The following LINGO2 variants were observed in gnomAD, a reference collection of about 807,000 sequenced individuals.
LINGO2 encodes leucine-rich repeat and immunoglobulin-like domain-containing nogo receptor-interacting protein 2.
Under a neutral mutation model 30.6 loss-of-function variants are expected in LINGO2, and 14 were observed. The ratio of observed to expected loss-of-function variants is 0.46; its 90% confidence interval spans 0.30 to 0.72. The LOEUF (loss-of-function observed/expected upper bound fraction) is 0.72, where lower values mean the gene tolerates loss of function less well. LINGO2 is among the 30% of genes least tolerant of loss of function. The pLI, the probability that LINGO2 is intolerant of heterozygous loss-of-function variation, is 0.07. For synonymous variants in LINGO2, 317 were observed against 288.5 expected, an observed-to-expected ratio of 1.10 and a Z score of -1.00; for missense variants, 729 against 751.7, an observed-to-expected ratio of 0.97 and a Z score of 0.35.
At chr9:27,974,427 C>T (rs199922883) in intron 5 of LINGO2, among the ~76,000 whole-genome samples, 4 of 152,016 alleles carry the variant, frequency 2.6e-5, no homozygotes, top group Non-Finnish European at 4.4e-5. Flanking sequence ...TTTTGAAGGA[C>T]GGTAGCAATG....
At chr9:28,156,393 G>A (rs1485326144) in intron 4 of LINGO2, among the ~76,000 whole-genome samples, 1 of 152,186 alleles carries the variant, frequency 6.6e-6, no homozygotes, top group Non-Finnish European at 1.5e-5. Flanking sequence ...TATGCACCAG[G>A]CAGTGTGGTA....
intron 5 of LINGO2, among the ~76,000 whole-genome samples, chr9:27,972,755 A>C (rs904723718): frequency 6.6e-6 from 1 of 152,196 alleles, no homozygotes; most frequent in Non-Finnish European, 1.5e-5. Flanking sequence ...ATTTTTCCAC[A>C]TGGACTACTC....
chr9:29,148,060 T>C, the LINGO2 span, among the ~76,000 whole-genome samples: 2 of 152,130 alleles, frequency 1.3e-5, no homozygotes, highest in Admixed American at 6.5e-5. Context: ...ACAGTGCATT[T>C]ATTTTACATA....
intron 2 of LINGO2, among the ~76,000 whole-genome samples, chr9:28,449,764 A>G (rs1824575158): frequency 1.3e-5 from 2 of 152,018 alleles, no homozygotes; most frequent in Admixed American, 1.3e-4. Flanking sequence ...GTCCCCACCT[A>G]TTGGTTCAAT....
At chr9:28,455,124 C>T (rs1824794161) in intron 2 of LINGO2, among the ~76,000 whole-genome samples, 1 of 151,818 alleles carries the variant, frequency 6.6e-6, no homozygotes, top group African/African-American at 2.4e-5. Context: ...TTCTGTTTGT[C>T]TTGTAGGAAA....
chr9:28,384,329 C>CCATATATATATATATATATATATATA (rs1554714422), intron 2 of LINGO2, among the ~76,000 whole-genome samples: 1 of 123,338 alleles, frequency 8.1e-6, no homozygotes, highest in Admixed American at 8.3e-5. Context: ...ATGTTATGCA[C>CCATATATATATATATATATATATATA]TATATATATA....
intron 4 of LINGO2, among the ~76,000 whole-genome samples, chr9:28,131,291 C>T (rs1827371957): frequency 6.6e-6 from 1 of 152,026 alleles, no homozygotes; most frequent in South Asian, 2.1e-4. Context: ...AAAGTATCCC[C>T]CTGAGTCATA....
chr9:28,031,186 A>G (rs1823651757), intron 4 of LINGO2, among the ~76,000 whole-genome samples: 1 of 152,120 alleles, frequency 6.6e-6, no homozygotes, highest in African/African-American at 2.4e-5. Flanking sequence ...GGAGGCCGAG[A>G]CTATATAAAG....
chr9:28,409,102 A>C (rs1318251857), intron 2 of LINGO2, among the ~76,000 whole-genome samples: 1 of 152,040 alleles, frequency 6.6e-6, no homozygotes, highest in Non-Finnish European at 1.5e-5. Flanking sequence ...CATCATTTTC[A>C]TGTAGGCATT....
At chr9:29,160,048 A>G in the LINGO2 span, among the ~76,000 whole-genome samples, 24 of 152,320 alleles carry the variant, frequency 1.6e-4, no homozygotes, top group South Asian at 3.9e-3. Flanking sequence ...TTGAATTTAG[A>G]TGAATAGTTT....
chr9:28,559,602 G>A (rs1822932412), intron 1 of LINGO2, among the ~76,000 whole-genome samples: 1 of 152,052 alleles, frequency 6.6e-6, no homozygotes, highest in South Asian at 2.1e-4. Flanking sequence ...CAAACACTGT[G>A]TAATAGCTTT....
intron 1 of LINGO2, among the ~76,000 whole-genome samples, chr9:28,639,390 T>C (rs1827455917): frequency 6.6e-6 from 1 of 152,138 alleles, no homozygotes; most frequent in Non-Finnish European, 1.5e-5. Flanking sequence ...ACTTTCTGTC[T>C]CATTGATCTG....
At chr9:28,087,481 A>G (rs571120885) in intron 4 of LINGO2, among the ~76,000 whole-genome samples, 35 of 152,162 alleles carry the variant, frequency 2.3e-4, no homozygotes, top group African/African-American at 7.9e-4. Flanking sequence ...TATTCATGAG[A>G]AAATTATTTT....
At chr9:28,545,921 G>T (rs1025190044) in intron 1 of LINGO2, among the ~76,000 whole-genome samples, 1 of 152,008 alleles carries the variant, frequency 6.6e-6, no homozygotes, top group Non-Finnish European at 1.5e-5. Context: ...GTTCCTGAAA[G>T]AATCCACACA....
the LINGO2 span, among the ~76,000 whole-genome samples, chr9:28,914,318 G>A: frequency 2.0e-5 from 3 of 152,078 alleles, no homozygotes; most frequent in East Asian, 3.9e-4. Context: ...TGGCCAAAAC[G>A]CTATATATAC....
intron 1 of LINGO2, among the ~76,000 whole-genome samples, chr9:28,489,508 T>C (rs939267907): frequency 6.6e-6 from 1 of 152,190 alleles, no homozygotes; most frequent in East Asian, 1.9e-4. Flanking sequence ...AAAGGGCTTG[T>C]TCTTTGAGGA....
intron 2 of LINGO2, among the ~76,000 whole-genome samples, chr9:28,461,432 A>G (rs997142518): frequency 6.6e-6 from 1 of 152,186 alleles, no homozygotes; most frequent in Non-Finnish European, 1.5e-5. Context: ...CAAAAATAGC[A>G]ACACATTTTG....
At chr9:27,968,038 C>T (rs1820182341) in intron 5 of LINGO2, among the ~76,000 whole-genome samples, 1 of 151,842 alleles carries the variant, frequency 6.6e-6, no homozygotes, top group South Asian at 2.1e-4. Flanking sequence ...TGAGTTCTGT[C>T]CAAAAAAGAG....
At chr9:28,747,659 G>A in the LINGO2 span, among the ~76,000 whole-genome samples, 1 of 152,052 alleles carries the variant, frequency 6.6e-6, no homozygotes, top group African/African-American at 2.4e-5. Context: ...AGCATGCAGT[G>A]GCCGAACAGA....
Sources: allele counts gnomAD v4.1 joint callset (sites outside exome capture counted in the v4.1 genomes callset), GRCh38; gene constraint gnomAD v4.1.1; transcripts MANE v1.5; gene names NCBI Gene and HGNC (gene_info 2026-07-23, HGNC 2026-07-21).